SCARB2: variants seen among roughly 807,000 people sequenced by gnomAD.
The protein encoded by SCARB2 is scavenger receptor class B member 2.
In SCARB2, 29 loss-of-function variants were observed where a neutral mutation model predicts 58.6. That is an observed-to-expected ratio of 0.49 (90% CI 0.37 to 0.67). SCARB2 has a LOEUF of 0.67. Among genes scored for constraint, SCARB2 ranks in the 30% least tolerant of loss-of-function variants. The pLI, the probability that SCARB2 is intolerant of heterozygous loss-of-function variation, is 0.00. For synonymous variants in SCARB2, 195 were observed against 210.1 expected (o/e 0.93, Z 0.62); for missense variants, 488 against 578.5 (o/e 0.84, Z 1.60).
At chr4:76,163,448 T>C (rs777013922) in intron 10 of SCARB2, 65 bp from the exon 11 acceptor site, 215 of 1,575,700 alleles carry the variant, frequency 1.4e-4, no homozygotes, top group Non-Finnish European at 1.7e-4. Context: ...TTTTTTGCTA[T>C]ATCTTTCCTT....
chr4:76,168,550 T>C lies in SCARB2; in HGVS notation c.1114-74A>G, dbSNP rs906781097. 6.4e-6 allele frequency: 8 copies of C among 1,249,602 alleles called. No individual in the cohort carries two copies. The African/African-American group carries it at 8.8e-5, about 14-fold the overall frequency. 77.4% of individuals were successfully genotyped at this position (1,249,602 alleles called of 1,614,324 possible). ...AAACAACTTTTTCAATAGAGCACCA[T>C]TTCTGTGTAGTCCTCATAAACAAGG... On this transcript the variant is annotated intron_variant, in intron 8 of 11. Transcript: ENST00000264896.
chr4:76,199,098 T>C (rs1038211230), intron 1 of SCARB2, among the ~76,000 whole-genome samples: 3 of 152,204 alleles, frequency 2.0e-5, no homozygotes, highest in African/African-American at 7.2e-5. Context: ...CTTTATAATG[T>C]ACCTTATCTC....
chr4:76,229,062 G>A (rs78908613), intron 1 of SCARB2, among the ~76,000 whole-genome samples: 22,779 of 151,900 alleles, frequency 0.15, 2,027 homozygotes, highest in East Asian at 0.35. Flanking sequence ...TTGTCAGATT[G>A]GGTTAATTCA....
At chr4:76,223,108 C>A (rs1733338718) in intron 1 of SCARB2, among the ~76,000 whole-genome samples, 1 of 152,196 alleles carries the variant, frequency 6.6e-6, no homozygotes, top group South Asian at 2.1e-4. Flanking sequence ...AGATGTCAAC[C>A]TCTTGTCAAT....
chr4:76,168,934 G>A (rs76048188), intron 8 of SCARB2, among the ~76,000 whole-genome samples: 3,995 of 152,292 alleles, frequency 0.026, 154 homozygotes, highest in African/African-American at 0.091. Context: ...CCCGCCTAGC[G>A]TAGCCATGGG....
In SCARB2 at chr4:76,159,110, C is replaced by G. The variant is rs1316335399; in HGVS notation, c.*2603G>C. 1 of 152,166 alleles carries G rather than the reference C, an allele frequency of 6.6e-6. No individual in the cohort carries two copies. Among genetic ancestry groups the G allele is most frequent in the African/African-American group, 2.4e-5 (1 of 41,430 alleles). The allele number at this position is 152,166 out of a possible 1,614,324, so 9.4% of individuals were successfully genotyped here. A position where few individuals can be genotyped will look rare whatever the true frequency, so the allele number is the denominator to read the frequency against. ...AAAGTGGCAAAGCCCATTTCCTGTC[C>G]TGTGCTCAACTCCTAATTTTCCCTG... On this transcript the variant is annotated 3_prime_UTR_variant, in exon 12 of 12. Transcript: ENST00000264896.
chr4:76,217,563 CT>C, upstream of SCARB2: 3 of 511,326 alleles, frequency 5.9e-6, no homozygotes, highest in Non-Finnish European at 7.1e-6. Flanking sequence ...GGTGTGCTCC[CT>C]TTCTGCCTTC....
chr4:76,182,575 G>A (rs1279561852), intron 2 of SCARB2, among the ~76,000 whole-genome samples: 3 of 152,208 alleles, frequency 2.0e-5, no homozygotes, highest in Non-Finnish European at 4.4e-5. Context: ...GCATTGGCCA[G>A]CTGGGCTACC....
At chr4:76,211,696 T>C (rs940056191) in intron 1 of SCARB2, among the ~76,000 whole-genome samples, 3 of 152,138 alleles carry the variant, frequency 2.0e-5, no homozygotes, top group African/African-American at 7.2e-5. Flanking sequence ...TTTCCCACTG[T>C]CCCATGCTAC....
At chr4:76,163,458 T>C (rs1731942180) in intron 10 of SCARB2, 75 bp from the exon 11 acceptor site, 2 of 1,542,322 alleles carry the variant, frequency 1.3e-6, no homozygotes, top group Non-Finnish European at 1.8e-6. Context: ...TATCTTTCCT[T>C]TGTTTAATAC....
chr4:76,212,376 G>C (rs1733067915), intron 1 of SCARB2, among the ~76,000 whole-genome samples: 1 of 152,094 alleles, frequency 6.6e-6, no homozygotes, highest in Non-Finnish European at 1.5e-5. Context: ...CCAGATTTCA[G>C]GTACTCACTT....
chr4:76,234,164 TCCCGAAA>T (rs975571667), intron 1 of SCARB2: 22 of 151,930 alleles, frequency 1.4e-4, no homozygotes, highest in African/African-American at 5.3e-4. Context: ...CACTGGTCCA[TCCCGAAA>T]AAGGAAAGAA....
intron 2 of SCARB2, among the ~76,000 whole-genome samples, chr4:76,187,814 A>G (rs963144275): frequency 6.6e-6 from 1 of 152,072 alleles, no homozygotes; most frequent in Non-Finnish European, 1.5e-5. Context: ...TATGGAACAC[A>G]TATATATGTG....
intron 2 of SCARB2, among the ~76,000 whole-genome samples, chr4:76,191,530 C>G (rs1465384928): frequency 6.6e-6 from 1 of 152,028 alleles, no homozygotes; most frequent in Non-Finnish European, 1.5e-5. Context: ...CCTGCTCTGG[C>G]CATGTGACAT....
chr4:76,227,166 G>C (rs542992844), intron 1 of SCARB2, among the ~76,000 whole-genome samples: 7 of 152,252 alleles, frequency 4.6e-5, no homozygotes, highest in Non-Finnish European at 1.0e-4. Context: ...TCAAAAGTTT[G>C]ATGAACTTTC....
At chr4:76,228,402 C>T (rs1393570397) in intron 1 of SCARB2, among the ~76,000 whole-genome samples, 1 of 151,588 alleles carries the variant, frequency 6.6e-6, no homozygotes, top group Non-Finnish European at 1.5e-5. Context: ...TCACTTGAAC[C>T]CGGAAGGTGA....
chr4:76,203,963 A>C (rs1732879332), intron 1 of SCARB2, among the ~76,000 whole-genome samples: 1 of 152,238 alleles, frequency 6.6e-6, no homozygotes, highest in African/African-American at 2.4e-5. Flanking sequence ...TTGTTCTTTA[A>C]GGTCAGTAAA....
intron 1 of SCARB2, among the ~76,000 whole-genome samples, chr4:76,230,337 C>T (rs1596117): frequency 0.21 from 31,710 of 152,046 alleles, 3,508 homozygotes; most frequent in East Asian, 0.36. Flanking sequence ...TCCCACACAG[C>T]TGGTGAGGCT....
At chr4:76,174,929 T>TTTTTTA in intron 6 of SCARB2, 1 of 158,030 alleles carries the variant, frequency 6.3e-6, no homozygotes, top group Admixed American at 6.1e-5. Flanking sequence ...GACCACTGCT[T>TTTTTTA]ACACTGCATA....
Sources: allele counts gnomAD v4.1 joint callset (sites outside exome capture counted in the v4.1 genomes callset), GRCh38; gene constraint gnomAD v4.1.1; transcripts MANE v1.5; gene names NCBI Gene and HGNC (gene_info 2026-07-23, HGNC 2026-07-21).